The following CADM2 variants were observed in gnomAD, a reference collection of about 807,000 sequenced individuals.
CADM2 encodes the protein cell adhesion molecule 2, also known as immunoglobulin superfamily member 4D.
A neutral mutation model predicts 49.8 loss-of-function variants in CADM2; 12 were observed. The observed-to-expected ratio is 0.24, with a 90% CI of 0.15 to 0.39. The LOEUF (loss-of-function observed/expected upper bound fraction) is 0.39, where lower values mean the gene tolerates loss of function less well. Ranked by LOEUF, CADM2 falls within the 10% of genes least tolerant of loss-of-function variation. The pLI, the probability that CADM2 is intolerant of heterozygous loss-of-function variation, is 1.00. For missense variants in CADM2, 378 were observed against 492.3 expected, an observed-to-expected ratio of 0.77 and a Z score of 2.20; for synonymous variants, 214 against 175.4, an observed-to-expected ratio of 1.22 and a Z score of -1.74.
intron 1 of CADM2, among the ~76,000 whole-genome samples, chr3:85,462,886 T>A (rs1297359426): frequency 3.3e-5 from 5 of 152,188 alleles, no homozygotes; most frequent in African/African-American, 9.7e-5. Context: ...AAAAAAGGTC[T>A]CAGTGTTAAC....
chr3:85,016,236 G>A (rs1050476391), intron 1 of CADM2, among the ~76,000 whole-genome samples: 2 of 152,090 alleles, frequency 1.3e-5, no homozygotes, highest in Non-Finnish European at 2.9e-5. Flanking sequence ...GTGAGAATGG[G>A]AAGAAGGGAA....
At chr3:86,030,207 C>G (rs957934351) in intron 8 of CADM2, among the ~76,000 whole-genome samples, 6 of 151,864 alleles carry the variant, frequency 4.0e-5, no homozygotes, top group Admixed American at 3.9e-4. Flanking sequence ...GTAATGAAAT[C>G]TAGAGACATA....
At chr3:85,422,138 G>C (rs1434721135) in intron 1 of CADM2, among the ~76,000 whole-genome samples, 1 of 151,352 alleles carries the variant, frequency 6.6e-6, no homozygotes, top group East Asian at 2.0e-4. Flanking sequence ...TTTAGAATGT[G>C]TACATAAATA....
intron 1 of CADM2, among the ~76,000 whole-genome samples, chr3:85,275,075 G>A (rs1453514741): frequency 6.6e-6 from 1 of 151,324 alleles, no homozygotes; most frequent in African/African-American, 2.4e-5. Flanking sequence ...AGGAAGTGGG[G>A]GGAAGTATAT....
intron 1 of CADM2, among the ~76,000 whole-genome samples, chr3:85,458,270 T>C (rs1372015718): frequency 6.6e-6 from 1 of 152,208 alleles, no homozygotes; most frequent in Non-Finnish European, 1.5e-5. Flanking sequence ...GGAAATGCCT[T>C]ACACCATGCC....
At chr3:85,866,095 G>A (rs575132508) in intron 3 of CADM2, among the ~76,000 whole-genome samples, 61 of 152,182 alleles carry the variant, frequency 4.0e-4, no homozygotes, top group African/African-American at 1.2e-3. Flanking sequence ...CCCACATGGC[G>A]CCATTGCACT....
At chr3:85,390,057 A>G (rs2034444197) in intron 1 of CADM2, among the ~76,000 whole-genome samples, 1 of 152,118 alleles carries the variant, frequency 6.6e-6, no homozygotes, top group South Asian at 2.1e-4. Flanking sequence ...AAGGAATAAA[A>G]GAATTATATA....
intron 1 of CADM2, among the ~76,000 whole-genome samples, chr3:85,348,943 T>C (rs2031056623): frequency 6.6e-6 from 1 of 152,282 alleles, no homozygotes; most frequent in East Asian, 1.9e-4. Flanking sequence ...ATACAATGAA[T>C]ACAAAGAAAA....
rs115441560 is a variant in CADM2, at chr3:85,078,134, A to G, written c.61+118466A>G. Among the ~76,000 whole-genome samples, 993 of 152,160 alleles carry G rather than the reference A, an allele frequency of 6.5e-3. 14 individuals carry two copies. The highest frequency in any genetic ancestry group is 0.022 in the African/African-American group (906 of 41,570). ...TTTTACTGGGAAAAAGTCATTTAGT[A>G]AGGGATAAATGGCTGGTAACTAAAC... is the stretch of plus-strand genomic sequence containing the variant. On this transcript the variant is annotated intron_variant, in intron 1 of 9. Coordinates refer to ENST00000383699, the MANE Select transcript of CADM2 (RefSeq NM_001167675.2).
chr3:85,940,956 A>G (rs1241755578), intron 7 of CADM2, among the ~76,000 whole-genome samples: 2 of 152,048 alleles, frequency 1.3e-5, no homozygotes, highest in Non-Finnish European at 2.9e-5. Context: ...CTTCCTCAGT[A>G]TTGACATGCT....
At chr3:85,352,546 C>T (rs2031452374) in intron 1 of CADM2, among the ~76,000 whole-genome samples, 1 of 151,958 alleles carries the variant, frequency 6.6e-6, no homozygotes, top group African/African-American at 2.4e-5. Flanking sequence ...TTTGGAGGAC[C>T]AGGTCTGACT....
At chr3:85,865,622 T>A (rs2075694916) in intron 3 of CADM2, among the ~76,000 whole-genome samples, 1 of 152,236 alleles carries the variant, frequency 6.6e-6, no homozygotes, top group African/African-American at 2.4e-5. Flanking sequence ...AAAAAAAGTT[T>A]ATTTCTGCAA....
rs369016899 is a variant in CADM2 at position 85,389,441 on chromosome 3, G to A, written c.62-337081G>A. Among the ~76,000 whole-genome samples, 3 of 152,114 alleles carry A rather than the reference G, an allele frequency of 2.0e-5. No homozygotes were observed. In the East Asian group the frequency reaches 5.8e-4, roughly 29 times the overall value. The stretch of plus-strand genomic sequence containing the variant: ...TTACAAGACATCTAGGAAGTGGCCC[G>A]TATAGCTGTTGATAATGAGCTAGCT... On this transcript the variant is annotated intron_variant, in intron 1 of 9. Coordinates refer to ENST00000383699, the MANE Select transcript of CADM2 (RefSeq NM_001167675.2).
At chr3:85,514,160 AAC>A (rs1336321882) in intron 1 of CADM2, among the ~76,000 whole-genome samples, 2 of 152,020 alleles carry the variant, frequency 1.3e-5, no homozygotes, top group Non-Finnish European at 2.9e-5. Context: ...GATTAATGAA[AAC>A]ACAACAATAT....
intron 1 of CADM2, among the ~76,000 whole-genome samples, chr3:85,123,859 G>C (rs2038942943): frequency 6.6e-6 from 1 of 152,052 alleles, no homozygotes; most frequent in Non-Finnish European, 1.5e-5. Context: ...AGCAAAAATT[G>C]CACAAGACAA....
At chr3:85,050,468 G>A (rs6765011) in intron 1 of CADM2, among the ~76,000 whole-genome samples, 89,647 of 151,974 alleles carry the variant, frequency 0.59, 27,260 homozygotes, top group Non-Finnish European at 0.65. Context: ...TTATTATAAT[G>A]AATCAGCAAT....
intron 1 of CADM2, among the ~76,000 whole-genome samples, chr3:85,423,019 GA>G (rs1195918691): frequency 1.3e-5 from 2 of 152,152 alleles, no homozygotes; most frequent in Non-Finnish European, 2.9e-5. Context: ...GGACTTGAAG[GA>G]AGGTGAATGC....
At chr3:85,656,092 T>A (rs1157590835) in intron 1 of CADM2, among the ~76,000 whole-genome samples, 2 of 152,002 alleles carry the variant, frequency 1.3e-5, no homozygotes, top group Admixed American at 1.3e-4. Context: ...TACAGTGGAG[T>A]GAATGAAATA....
chr3:84,968,286 G>T (rs1385898191), intron 1 of CADM2, among the ~76,000 whole-genome samples: 2 of 151,728 alleles, frequency 1.3e-5, no homozygotes, highest in Admixed American at 1.3e-4. Flanking sequence ...TTACTCATGT[G>T]CAGCTTTCTT....
Sources: gnomAD v4.1 joint callset for allele counts (sites outside exome capture counted in the v4.1 genomes callset) on GRCh38, gnomAD v4.1.1 for gene constraint, MANE v1.5 for transcripts, NCBI Gene and HGNC (gene_info 2026-07-23, HGNC 2026-07-21) for gene names.